UBE3B: variants seen among roughly 807,000 people sequenced by gnomAD.
The protein encoded by UBE3B is ubiquitin protein ligase E3B.
UBE3B carries 80 observed loss-of-function variants against 132.3 expected under a neutral mutation model. That is an observed-to-expected ratio of 0.60 (90% CI 0.50 to 0.73). The LOEUF (loss-of-function observed/expected upper bound fraction) is 0.73. Ranked by LOEUF, UBE3B falls within the 30% of genes least tolerant of loss-of-function variation. The pLI, the probability that UBE3B is intolerant of heterozygous loss-of-function variation, is 0.00. For missense variants in UBE3B, 1,196 were observed against 1,362.5 expected (o/e 0.88, Z 1.92); for synonymous variants, 487 against 520.4 (o/e 0.94, Z 0.87).
the UBE3B span, among the ~76,000 whole-genome samples, chr12:109,547,473 G>A: frequency 5.3e-5 from 8 of 152,246 alleles, no homozygotes; most frequent in Non-Finnish European, 1.0e-4. This position sits in a 1 kb window ranked among gnomAD's most constrained non-coding sequence, Gnocchi z 4.1. Flanking sequence ...ATGTACACAC[G>A]CACACGCATG....
Position 109,477,756 on chromosome 12 carries a change from C to T in UBE3B, c.-481C>T. On this transcript the variant is annotated 5_prime_UTR_variant, in exon 1 of 28. Coordinates refer to ENST00000342494, the MANE Select transcript of UBE3B (RefSeq NM_130466.4). ...CGACCCCAAGTGCGGGGACCTCCGG[C>T]GAATAAAGGTCGGCCTGCGGGTAGG... 1.2e-5 allele frequency: 2 copies of T among 166,880 alleles called. No individual in the cohort carries two copies. Among genetic ancestry groups the T allele is most frequent in the South Asian group, 1.1e-4 (1 of 8,726 alleles). 10.3% of individuals were successfully genotyped at this position (166,880 alleles called of 1,614,324 possible). A position where few individuals can be genotyped will look rare whatever the true frequency, so the allele number is the denominator to read the frequency against.
At chr12:109,488,394 TC>T (rs759709669) in intron 6 of UBE3B, among the ~76,000 whole-genome samples, 177 bp from the exon 7 acceptor site, 26 of 151,686 alleles carry the variant, frequency 1.7e-4, no homozygotes, top group Middle Eastern at 3.4e-3. Flanking sequence ...AGTGCCACAT[TC>T]CCTGTTATTT....
chr12:109,498,206 G>A, intron 10 of UBE3B, 27 bp from the exon 11 acceptor site: 3 of 1,612,574 alleles, frequency 1.9e-6, no homozygotes, highest in South Asian at 2.2e-5. Flanking sequence ...GGCAGTTTCT[G>A]ATTTAACGGT....
rs1007362012 is a variant in UBE3B, at chr12:109,522,449, G to A, written c.2364+898G>A. 1.3e-5 allele frequency among the ~76,000 whole-genome samples: 2 copies of A among 152,234 alleles called. No individual in the cohort carries two copies. The highest frequency in any genetic ancestry group is 4.8e-5 in the African/African-American group (2 of 41,470). On this transcript the variant is annotated intron_variant, in intron 21 of 27. Transcript: ENST00000342494. This position sits in a 1 kb window ranked among gnomAD's most constrained non-coding sequence, Gnocchi z 4.2. ...GCTGCAGCACAAGCCCAGCCAGTCT[G>A]TGTGGCCTTCGCAGTGGGCTCCAGA...
At position 109,524,245 on chromosome 12, in the gene UBE3B, C is replaced by T. The variant is rs190906964; in HGVS notation, c.2502+130C>T. On this transcript the variant is annotated intron_variant, in intron 22 of 27. Transcript: ENST00000342494. ...AGCTGCTACAGGCCCCTCACATCCC[C>T]CTGTGGGCAGTCCCACTTGGGGCTG... 172 of 1,416,250 alleles carry T rather than the reference C, an allele frequency of 1.2e-4. No individual in the cohort carries two copies. In the Admixed American group the frequency reaches 3.2e-3, roughly 26 times the overall value. The allele number at this position is 1,416,250 out of a possible 1,614,324, so 87.7% of individuals were successfully genotyped here. A position where few individuals can be genotyped will look rare whatever the true frequency, so the allele number is the denominator to read the frequency against.
chr12:109,512,515 C>T (rs1880505746), intron 18 of UBE3B, among the ~76,000 whole-genome samples: 1 of 152,186 alleles, frequency 6.6e-6, no homozygotes, highest in Non-Finnish European at 1.5e-5. Flanking sequence ...CAACACTCAG[C>T]TCCTCTTAGA....
At chr12:109,503,700 C>T (rs77952639) in intron 14 of UBE3B, among the ~76,000 whole-genome samples, 2,061 of 152,312 alleles carry the variant, frequency 0.014, 48 homozygotes, top group African/African-American at 0.048. Flanking sequence ...ATATGCCCAA[C>T]ATTTTCCTTT....
chr12:109,511,052 AC>A, intron 17 of UBE3B, 151 bp from the exon 18 acceptor site: 1 of 653,794 alleles, frequency 1.5e-6, no homozygotes, highest in South Asian at 1.8e-5. Flanking sequence ...CATAGGCTAT[AC>A]ATGTATGAAT....
At chr12:109,481,104 C>CAAA (rs1344961435) in intron 1 of UBE3B, among the ~76,000 whole-genome samples, 1 of 104,890 alleles carries the variant, frequency 9.5e-6, no homozygotes. Context: ...GACTCCGTCT[C>CAAA]AAAAAAAAAA....
chr12:109,497,935 C>A lies in UBE3B; in HGVS notation c.819+12C>A. ...CAGTGACCCCTGAGGTAAGCAGGCT[C>A]TGTGAGTTCCCCGTGAAAACCCAAT... On this transcript the variant is annotated intron_variant, in intron 10 of 27. Transcript: ENST00000342494. 6.2e-7 allele frequency: 1 copy of A among 1,613,170 alleles called. No individual in the cohort carries two copies.
chr12:109,533,302 T>C (rs1883140445), intron 26 of UBE3B, among the ~76,000 whole-genome samples, 164 bp from the exon 27 acceptor site: 1 of 151,932 alleles, frequency 6.6e-6, no homozygotes, highest in Non-Finnish European at 1.5e-5. Context: ...GTACGGCGTG[T>C]GCCAGTTTTG....
At chr12:109,507,373 C>T (rs1879817125) in intron 14 of UBE3B, among the ~76,000 whole-genome samples, 191 bp from the exon 15 acceptor site, 1 of 152,146 alleles carries the variant, frequency 6.6e-6, no homozygotes, top group Non-Finnish European at 1.5e-5. Flanking sequence ...TAGTCAGCAC[C>T]CACTGACTAC....
At position 109,501,404 on chromosome 12, in the gene UBE3B, G is replaced by A; in HGVS notation, c.1152G>A (p.Gln384=). 1 of 1,614,148 alleles carries A rather than the reference G, an allele frequency of 6.2e-7. No individual in the cohort carries two copies. Among genetic ancestry groups the A allele is most frequent in the East Asian group, 2.2e-5 (1 of 44,876 alleles). The stretch of plus-strand genomic sequence containing the variant: ...AGTCAATGCACTTGATCACCAAACA[G>A]CTGCAGTTCTTGTGGGGGGTGCCTC... ...LNESMHLITK[Q]LQFLWGVPLI... is the part of the protein sequence containing the mutation. Residue 384 remains glutamine, a synonymous_variant, in exon 13 of 28, where the codon CAG becomes CAA. Transcript: ENST00000342494.
At chr12:109,499,546 G>A in intron 11 of UBE3B, 87 bp from the exon 12 acceptor site, 2 of 1,301,194 alleles carry the variant, frequency 1.5e-6, no homozygotes, top group South Asian at 3.8e-5. Flanking sequence ...ATGGGATGTG[G>A]CCGCCTGAGC....
chr12:109,529,301 C>A (rs1476051019), intron 24 of UBE3B, among the ~76,000 whole-genome samples: 1 of 152,112 alleles, frequency 6.6e-6, no homozygotes, highest in African/African-American at 2.4e-5. Context: ...ACCCAGAGAC[C>A]CTCTGCTTGG....
intron 1 of UBE3B, among the ~76,000 whole-genome samples, chr12:109,481,377 C>CT (rs1339785851): frequency 9.2e-5 from 14 of 151,910 alleles, no homozygotes; most frequent in African/African-American, 3.1e-4. Context: ...TCCATGACCT[C>CT]TAAGTTATTT....
At position 109,509,477 on chromosome 12, in the gene UBE3B, A is replaced by G. The variant is rs1880088782; in HGVS notation, c.1623-119A>G. 6 of 626,984 alleles carry G rather than the reference A, an allele frequency of 9.6e-6. No individual in the cohort carries two copies. In the South Asian group the frequency reaches 1.3e-4, roughly 14 times the overall value. 38.8% of individuals were successfully genotyped at this position (626,984 alleles called of 1,614,324 possible). ...TTTATCTGTAGATTTTACAGTAAGT[A>G]TCTCTACAAGATAAAGCTTATTTCT... is the stretch of plus-strand genomic sequence containing the variant. On this transcript the variant is annotated intron_variant, in intron 15 of 27. Transcript: ENST00000342494.
chr12:109,483,725 A>G lies in UBE3B; in HGVS notation c.161+13A>G, dbSNP rs528095531. 1 of 1,591,564 alleles carries G rather than the reference A, an allele frequency of 6.3e-7. No individual in the cohort carries two copies. Among genetic ancestry groups the G allele is most frequent in the Non-Finnish European group, 8.5e-7 (1 of 1,169,778 alleles). On this transcript the variant is annotated intron_variant, in intron 3 of 27. Coordinates refer to ENST00000342494, the MANE Select transcript of UBE3B (RefSeq NM_130466.4). ...AGAGAGATATCAGGTAAGGGCTAGG[A>G]TCTCCCTAGCACATGATTCTCTGGC...
chr12:109,532,251 G>A (rs181078515), intron 26 of UBE3B, among the ~76,000 whole-genome samples: 2 of 152,306 alleles, frequency 1.3e-5, no homozygotes, highest in East Asian at 3.9e-4. Flanking sequence ...CACAGCATCC[G>A]TAGAGTGATT....
Sources: gnomAD v4.1 joint callset for allele counts (sites outside exome capture counted in the v4.1 genomes callset) on GRCh38, gnomAD v4.1.1 for gene constraint, Gnocchi (gnomAD v3.1) non-coding constraint, MANE v1.5 for transcripts, NCBI Gene and HGNC (gene_info 2026-07-23, HGNC 2026-07-21) for gene names.